Variants in LRRC37A2 observed in about 807,000 individuals in gnomAD.
LRRC37A2 encodes the protein leucine rich repeat containing 37 member A2, also known as leucine-rich repeat-containing protein 37A2.
LRRC37A2 carries 9 observed loss-of-function variants against 68.8 expected under a neutral mutation model. The observed-to-expected ratio is 0.13, with a 90% CI of 0.08 to 0.23. The LOEUF (loss-of-function observed/expected upper bound fraction) is 0.23, where lower values mean the gene tolerates loss of function less well. LRRC37A2 is among the 10% of genes least tolerant of loss of function. The pLI is 1.00. For missense variants in LRRC37A2, 168 were observed against 950.4 expected, an observed-to-expected ratio of 0.18 and a Z score of 10.82; for synonymous variants, 63 against 367.6, an observed-to-expected ratio of 0.17 and a Z score of 9.48.
chr17:46,775,912 C>A, the LRRC37A2 span, among the ~76,000 whole-genome samples: 6 of 152,196 alleles, frequency 3.9e-5, no homozygotes, highest in African/African-American at 1.4e-4. Context: ...CACGCCCGGC[C>A]CAGAAGTTCT....
the LRRC37A2 span, chr17:46,830,960 G>C: frequency 2.5e-6 from 1 of 393,768 alleles, no homozygotes; most frequent in Non-Finnish European, 4.5e-6. Flanking sequence ...CCTTTGCAGG[G>C]CCATAGTGTC....
chr17:46,871,557 G>A, the LRRC37A2 span, among the ~76,000 whole-genome samples: 3,642 of 152,256 alleles, frequency 0.024, 55 homozygotes, highest in Non-Finnish European at 0.037. Context: ...CAGCTAGCAG[G>A]AAGGTAGGCC....
At chr17:47,011,951 T>G in the LRRC37A2 span, among the ~76,000 whole-genome samples, 1 of 152,200 alleles carries the variant, frequency 6.6e-6, no homozygotes, top group East Asian at 1.9e-4. Context: ...GGTTATCCAT[T>G]GTATAGTTAC....
At chr17:46,970,557 A>AAAACTCAAG in the LRRC37A2 span, among the ~76,000 whole-genome samples, 31 of 151,496 alleles carry the variant, frequency 2.0e-4, no homozygotes, top group Non-Finnish European at 3.5e-4. Flanking sequence ...AAAAAAAAAA[A>AAAACTCAAG]AAACTCAAGA....
the LRRC37A2 span, among the ~76,000 whole-genome samples, chr17:46,974,987 C>CTTTTTTTTTTTTT: frequency 8.4e-6 from 1 of 119,060 alleles, no homozygotes; most frequent in Non-Finnish European, 1.7e-5. Context: ...TTACTATTTT[C>CTTTTTTTTTTTTT]TTTTTTTTTT....
At chr17:46,838,858 G>T in the LRRC37A2 span, among the ~76,000 whole-genome samples, 1 of 152,006 alleles carries the variant, frequency 6.6e-6, no homozygotes, top group African/African-American at 2.4e-5. Flanking sequence ...GTTTCCAGGG[G>T]CTTGTTTTCT....
At chr17:46,697,146 G>A in the LRRC37A2 span, among the ~76,000 whole-genome samples, 3 of 147,432 alleles carry the variant, frequency 2.0e-5, no homozygotes, top group African/African-American at 7.8e-5. Flanking sequence ...ATTCACCTCA[G>A]AGTCTCCCAT....
chr17:46,870,700 G>C, the LRRC37A2 span, among the ~76,000 whole-genome samples: 40 of 152,214 alleles, frequency 2.6e-4, no homozygotes, highest in Non-Finnish European at 4.4e-5. Context: ...CATACAGAGA[G>C]GGCATGGCCT....
the LRRC37A2 span, among the ~76,000 whole-genome samples, chr17:46,757,987 T>C: frequency 6.6e-6 from 1 of 150,472 alleles, no homozygotes; most frequent in Non-Finnish European, 1.5e-5. Flanking sequence ...GAGCAATACT[T>C]TGTCTCAGAA....
the LRRC37A2 span, among the ~76,000 whole-genome samples, chr17:47,002,095 C>T: frequency 5.9e-5 from 9 of 152,040 alleles, no homozygotes; most frequent in African/African-American, 7.2e-5. Context: ...TTTCTAGACA[C>T]GGAATCATAC....
the LRRC37A2 span, among the ~76,000 whole-genome samples, chr17:46,610,076 CCTT>C: frequency 8.4e-6 from 1 of 118,828 alleles, no homozygotes; most frequent in East Asian, 2.1e-4. Context: ...TCCTTTCTTT[CCTT>C]CTTTCTTTCT....
At chr17:47,041,387 AT>A in the LRRC37A2 span, among the ~76,000 whole-genome samples, 3 of 13,870 alleles carry the variant, frequency 2.2e-4, no homozygotes, top group African/African-American at 3.3e-4. Flanking sequence ...ATTATGGTCA[AT>A]TTTTTTTTTT....
chr17:46,551,023 A>T (rs1269812563), intron 11 of LRRC37A2, among the ~76,000 whole-genome samples: 3 of 149,892 alleles, frequency 2.0e-5, no homozygotes, highest in Non-Finnish European at 2.9e-5. Context: ...CAGTTAAAGC[A>T]CTACAGAGTA....
rs2056224687 is a variant in LRRC37A2, at chr17:46,545,820, C to G, written c.3054-435C>G. 2.0e-5 allele frequency among the ~76,000 whole-genome samples: 3 copies of G among 149,624 alleles called. 1 individual carries two copies. The highest frequency in any genetic ancestry group is 4.2e-4 in the South Asian group (2 of 4,800). On this transcript the variant is annotated intron_variant, in intron 8 of 14. Coordinates refer to ENST00000576629, the Ensembl canonical transcript of LRRC37A2. ...TTTGTTATTTTTTAACTCCGCAATC[C>G]AGGTTAAACTAAGCTATTTTTAATG... is the stretch of plus-strand genomic sequence containing the variant.
the LRRC37A2 span, among the ~76,000 whole-genome samples, chr17:46,691,631 A>G: frequency 3.3e-5 from 5 of 151,690 alleles, no homozygotes; most frequent in Admixed American, 6.6e-5. Flanking sequence ...TTATATCCTT[A>G]TCGGAGATTT....
the LRRC37A2 span, among the ~76,000 whole-genome samples, chr17:46,856,234 G>A: frequency 6.6e-6 from 1 of 152,102 alleles, no homozygotes; most frequent in Admixed American, 6.6e-5. Flanking sequence ...GCTGAGCTTT[G>A]GGTTATGAGA....
the LRRC37A2 span, among the ~76,000 whole-genome samples, chr17:46,890,597 C>G: frequency 6.6e-6 from 1 of 152,230 alleles, no homozygotes; most frequent in Admixed American, 6.5e-5. Context: ...AACTGAGAGA[C>G]TCCTGGCAAA....
the LRRC37A2 span, among the ~76,000 whole-genome samples, chr17:46,804,008 G>T: frequency 6.6e-6 from 1 of 152,120 alleles, no homozygotes; most frequent in African/African-American, 2.4e-5. Flanking sequence ...CTCAGGGCAA[G>T]CTCCATCCTT....
the LRRC37A2 span, chr17:46,931,715 A>G: frequency 8.4e-6 from 3 of 356,014 alleles, no homozygotes; most frequent in South Asian, 6.6e-5. Context: ...CTTTACCTCA[A>G]AGATGCCCTT....
Sources: gnomAD v4.1 joint callset for allele counts (sites outside exome capture counted in the v4.1 genomes callset) on GRCh38, gnomAD v4.1.1 for gene constraint, MANE v1.5 for transcripts, NCBI Gene and HGNC (gene_info 2026-07-23, HGNC 2026-07-21) for gene names.